The following TM9SF2 variants were observed in gnomAD, a reference collection of about 807,000 sequenced individuals.
The protein encoded by TM9SF2 is 76 kDa membrane protein.
In TM9SF2, 13 loss-of-function variants were observed where a neutral mutation model predicts 84.9. The observed-to-expected ratio is 0.15, with a 90% CI of 0.10 to 0.24. The LOEUF (loss-of-function observed/expected upper bound fraction) is 0.24. Among genes scored for constraint, TM9SF2 ranks in the 10% least tolerant of loss-of-function variants. TM9SF2 has a pLI of 1.00. For missense variants in TM9SF2, 562 were observed against 818.5 expected, an observed-to-expected ratio of 0.69 and a Z score of 3.82; for synonymous variants, 273 against 285.8, an observed-to-expected ratio of 0.96 and a Z score of 0.45.
intron 1 of TM9SF2, among the ~76,000 whole-genome samples, chr13:99,512,577 A>C (rs1341179220): frequency 1.3e-5 from 2 of 152,344 alleles, no homozygotes; most frequent in East Asian, 3.9e-4. Flanking sequence ...TATGTACTGA[A>C]ATGGAATAAG....
At chr13:99,521,453 C>G (rs898084320) in intron 3 of TM9SF2, among the ~76,000 whole-genome samples, 1 of 152,190 alleles carries the variant, frequency 6.6e-6, no homozygotes, top group Non-Finnish European at 1.5e-5. Flanking sequence ...TAGACCTCAT[C>G]CATAGCCACC....
At position 99,527,438 on chromosome 13, in the gene TM9SF2, A is replaced by G. The variant is rs116772240; in HGVS notation, c.334-2029A>G. Among the ~76,000 whole-genome samples, 624 of 152,294 alleles carry G rather than the reference A, an allele frequency of 4.1e-3. 1 individual carries two copies. The highest frequency in any genetic ancestry group is 0.014 in the African/African-American group (566 of 41,550). ...AAAAGAGAAGTGCAGAGTGAATCGG[A>G]GAAAGCCCCTTATAAAACCATCAGA... On this transcript the variant is annotated intron_variant, in intron 3 of 16. Coordinates refer to ENST00000376387, the MANE Select transcript of TM9SF2 (RefSeq NM_004800.3).
At position 99,555,653 on chromosome 13, in the gene TM9SF2, T is replaced by TA. The variant is rs1448206365; in HGVS notation, c.1752+7dup. The TA allele has an allele frequency of 1.3e-6, 2 of 1,580,040 alleles. No homozygotes were observed. Among genetic ancestry groups the TA allele is most frequent in the East Asian group, 4.5e-5 (2 of 44,630 alleles). ...ATTTCCACCTATGTGCAGAGGTATG[T>TA]ATTAGCAGTATTCACTTATGTTAAT... On this transcript the variant is annotated splice_region_variant and intron_variant, in intron 15 of 16. Transcript: ENST00000376387.
At position 99,540,707 on chromosome 13, in the gene TM9SF2, C is replaced by T; in HGVS notation, c.829-7C>T. On this transcript the variant is annotated splice_region_variant and splice_polypyrimidine_tract_variant and intron_variant, in intron 7 of 16. Coordinates refer to ENST00000376387, the MANE Select transcript of TM9SF2 (RefSeq NM_004800.3). ...TTTACTTAAAGAGATTTTTTAATCTCCTCTAGGAAGATGATAAGATCAGAT... is the reference window on the plus strand; with the variant it reads ...TTTACTTAAAGAGATTTTTTAATCTTCTCTAGGAAGATGATAAGATCAGAT... 2 of 1,612,068 alleles carry T rather than the reference C, an allele frequency of 1.2e-6. No individual in the cohort carries two copies. Among genetic ancestry groups the T allele is most frequent in the South Asian group, 1.1e-5 (1 of 90,994 alleles).
At chr13:99,526,448 G>T (rs1257392301) in intron 3 of TM9SF2, among the ~76,000 whole-genome samples, 1 of 152,204 alleles carries the variant, frequency 6.6e-6, no homozygotes, top group Non-Finnish European at 1.5e-5. Context: ...TGCACAGGGG[G>T]CATGTGAGGC....
At chr13:99,530,356 G>A (rs2046203167) in intron 4 of TM9SF2, among the ~76,000 whole-genome samples, 2 of 152,324 alleles carry the variant, frequency 1.3e-5, no homozygotes, top group Admixed American at 1.3e-4. Flanking sequence ...CCCCAGAGGC[G>A]GAGCTTGCAG....
rs775365561 is a variant in TM9SF2 at position 99,536,651 on chromosome 13, G to T, written c.505G>T (p.Asp169Tyr). The T allele has an allele frequency of 6.2e-7, 1 of 1,613,792 alleles. No individual in the cohort carries two copies. The highest frequency in any genetic ancestry group is 8.5e-7 in the Non-Finnish European group (1 of 1,179,778). ...TGTAACGTGGTGTTACGATGTTGAAGATGGTCAGAGGTTCTGTAATCCTGG... is the reference window on the plus strand; with the variant it reads ...TGTAACGTGGTGTTACGATGTTGAATATGGTCAGAGGTTCTGTAATCCTGG... ...MPVTWCYDVE[D>Y]GQRFCNPGFP... Residue 169 changes from aspartate to tyrosine, a missense_variant, in exon 5 of 17, where the codon GAT (aspartate) becomes TAT (tyrosine). This residue lies in a region of TM9SF2 where 267 missense variants were observed against 316.7 expected (regional missense o/e 0.84). Coordinates refer to ENST00000376387, the MANE Select transcript of TM9SF2 (RefSeq NM_004800.3).
chr13:99,509,756 C>A (rs1007657113), intron 1 of TM9SF2, among the ~76,000 whole-genome samples: 3 of 152,152 alleles, frequency 2.0e-5, no homozygotes, highest in African/African-American at 7.2e-5. Context: ...GCCTTTTCCC[C>A]GTAGTCTTGG....
chr13:99,539,346 G>A (rs2046248412), intron 6 of TM9SF2, 100 bp from the exon 7 acceptor site: 3 of 727,180 alleles, frequency 4.1e-6, no homozygotes, highest in Non-Finnish European at 7.4e-6. Context: ...TTTCACCTTT[G>A]TCAGCAGCAT....
chr13:99,507,582 G>A (rs2046094016), intron 1 of TM9SF2, among the ~76,000 whole-genome samples: 2 of 152,062 alleles, frequency 1.3e-5, no homozygotes, highest in South Asian at 2.1e-4. Context: ...TCAGTTGCTG[G>A]GCATTGCTGA....
chr13:99,547,206 G>A, intron 11 of TM9SF2, 102 bp downstream of exon 11: 2 of 1,523,464 alleles, frequency 1.3e-6, no homozygotes, highest in East Asian at 2.3e-5. Context: ...TAAATAGTGT[G>A]CCTCATAGGG....
chr13:99,539,140 T>C (rs958713704), intron 6 of TM9SF2, among the ~76,000 whole-genome samples: 5 of 151,076 alleles, frequency 3.3e-5, no homozygotes, highest in Non-Finnish European at 7.4e-5. Flanking sequence ...AGCCCAGGAG[T>C]TTGAGGCTGC....
intron 5 of TM9SF2, 38 bp from the exon 6 acceptor site, chr13:99,537,701 C>G (rs749262960): frequency 6.5e-7 from 1 of 1,534,010 alleles, no homozygotes; most frequent in Non-Finnish European, 8.8e-7. Flanking sequence ...CTTATGTAGT[C>G]AGTTTTCTAC....
intron 3 of TM9SF2, among the ~76,000 whole-genome samples, chr13:99,520,608 G>T (rs758676005): frequency 6.6e-6 from 1 of 151,934 alleles, no homozygotes; most frequent in Admixed American, 6.6e-5. Flanking sequence ...TTGCTCTGTC[G>T]CCCAGGCTGC....
At chr13:99,525,267 A>C (rs1173890492) in intron 3 of TM9SF2, among the ~76,000 whole-genome samples, 2 of 152,138 alleles carry the variant, frequency 1.3e-5, no homozygotes, top group Non-Finnish European at 1.5e-5. Flanking sequence ...GTTTAGAGAC[A>C]GTCTTACTCT....
At chr13:99,559,625 C>A in intron 16 of TM9SF2, 91 bp downstream of exon 16, 1 of 1,254,246 alleles carries the variant, frequency 8.0e-7, no homozygotes, top group Non-Finnish European at 1.1e-6. Flanking sequence ...CCCATGAAGG[C>A]TTATTCTGTT....
At chr13:99,521,740 T>C (rs1289022058) in intron 3 of TM9SF2, among the ~76,000 whole-genome samples, 2 of 152,154 alleles carry the variant, frequency 1.3e-5, no homozygotes, top group African/African-American at 4.8e-5. Context: ...GGAGCCTTGC[T>C]CTGTCACCCA....
chr13:99,502,438 G>A (rs1044654314), intron 1 of TM9SF2, among the ~76,000 whole-genome samples: 1 of 152,166 alleles, frequency 6.6e-6, no homozygotes, highest in African/African-American at 2.4e-5. Flanking sequence ...AGTTTTAAGT[G>A]TAAAAGATTT....
intron 6 of TM9SF2, among the ~76,000 whole-genome samples, chr13:99,538,373 T>A (rs567315506): frequency 0.011 from 1,611 of 152,258 alleles, 26 homozygotes; most frequent in African/African-American, 0.036. Flanking sequence ...ATTTTTTTTT[T>A]AAATATTTCA....
Sources: allele counts gnomAD v4.1 joint callset (sites outside exome capture counted in the v4.1 genomes callset), GRCh38; gene constraint gnomAD v4.1.1; regional missense constraint gnomAD v4.1.1; transcripts MANE v1.5; gene names NCBI Gene and HGNC (gene_info 2026-07-23, HGNC 2026-07-21).